Variants in NUBPL observed in about 807,000 individuals in gnomAD.
NUBPL encodes the protein iron-sulfur cluster transfer protein NUBPL.
Under a neutral mutation model 45.7 loss-of-function variants are expected in NUBPL, and 31 were observed. The ratio of observed to expected loss-of-function variants is 0.68; its 90% CI spans 0.51 to 0.92. The LOEUF (loss-of-function observed/expected upper bound fraction) is 0.92, where lower values mean the gene tolerates loss of function less well. Ranked by LOEUF, NUBPL falls within the 40% of genes least tolerant of loss-of-function variation. The pLI, the probability that NUBPL is intolerant of heterozygous loss-of-function variation, is 0.00. For synonymous variants in NUBPL, 144 were observed against 140.9 expected, an observed-to-expected ratio of 1.02 and a Z score of -0.15; for missense variants, 401 against 398.7, an observed-to-expected ratio of 1.01 and a Z score of -0.05.
intron 8 of NUBPL, among the ~76,000 whole-genome samples, chr14:31,834,365 G>A (rs1452348577): frequency 1.3e-5 from 2 of 151,980 alleles, no homozygotes; most frequent in African/African-American, 4.8e-5. Context: ...ACTTTTAGTA[G>A]AGACGGGGTT....
chr14:31,758,042 A>G (rs2138714892), intron 6 of NUBPL, among the ~76,000 whole-genome samples: 1 of 152,296 alleles, frequency 6.6e-6, no homozygotes, highest in Non-Finnish European at 1.5e-5. Context: ...ATCTCAGAAG[A>G]GCAGGCTGTC....
At chr14:31,841,008 T>C (rs1317545125) in intron 8 of NUBPL, among the ~76,000 whole-genome samples, 1 of 152,276 alleles carries the variant, frequency 6.6e-6, no homozygotes, top group African/African-American at 2.4e-5. Context: ...GATTCACTTA[T>C]ACTGCTGATA....
At chr14:31,588,332 C>T (rs1471648399) in intron 3 of NUBPL, among the ~76,000 whole-genome samples, 1 of 152,284 alleles carries the variant, frequency 6.6e-6, no homozygotes, top group East Asian at 1.9e-4. Flanking sequence ...TGTGTGCATG[C>T]ACTACTGTTA....
intron 6 of NUBPL, among the ~76,000 whole-genome samples, chr14:31,696,165 A>G (rs1438622642): frequency 6.6e-6 from 1 of 152,180 alleles, no homozygotes; most frequent in Non-Finnish European, 1.5e-5. Flanking sequence ...TTCTAACCCA[A>G]CACCCAGGGA....
chr14:31,666,254 T>TGTAG lies in NUBPL; in HGVS notation c.383-7101_383-7100insGTAG, dbSNP rs1566487115. Among the ~76,000 whole-genome samples the TGTAG allele has an allele frequency of 2.2e-3, 117 of 52,506 alleles. 6 individuals carry two copies. Among genetic ancestry groups the TGTAG allele is most frequent in the East Asian group, 8.8e-3 (8 of 906 alleles). The allele number at this position is 52,506 out of a possible 152,430, so 34.4% of individuals were successfully genotyped here. On this transcript the variant is annotated intron_variant, in intron 4 of 10. Transcript: ENST00000281081. ...ATATATATATATATATATATATATA[T>TGTAG]ATATATATAATTTTATTTTATTTTT...
intron 1 of NUBPL, chr14:31,561,823 C>G: frequency 1.7e-6 from 1 of 596,876 alleles, no homozygotes; most frequent in Non-Finnish European, 2.9e-6. Flanking sequence ...GCCTTATCTC[C>G]GTAAAGAGGC....
chr14:31,771,044 A>G (rs2039000246), intron 6 of NUBPL, among the ~76,000 whole-genome samples: 1 of 152,294 alleles, frequency 6.6e-6, no homozygotes, highest in African/African-American at 2.4e-5. Flanking sequence ...CTTAGTCTTT[A>G]TAGGTTATTT....
At chr14:31,847,692 G>A (rs985481655) in intron 9 of NUBPL, among the ~76,000 whole-genome samples, 3 of 152,168 alleles carry the variant, frequency 2.0e-5, no homozygotes, top group Non-Finnish European at 4.4e-5. Context: ...TAAAAATTAA[G>A]ATCCCTAGAG....
intron 4 of NUBPL, among the ~76,000 whole-genome samples, chr14:31,633,023 C>T (rs765313157): frequency 6.6e-6 from 1 of 152,178 alleles, no homozygotes; most frequent in South Asian, 2.1e-4. Flanking sequence ...AGAGGAAGCT[C>T]AGTGTGAGGC....
intron 4 of NUBPL, among the ~76,000 whole-genome samples, chr14:31,653,655 G>A (rs2120136): frequency 1 from 151,659 of 152,324 alleles, 75,501 homozygotes; most frequent in Middle Eastern, 1. Context: ...ATGTTTTACA[G>A]TCAATTTGTA....
At chr14:31,776,834 G>A (rs1444498653) in intron 6 of NUBPL, among the ~76,000 whole-genome samples, 6 of 152,158 alleles carry the variant, frequency 3.9e-5, no homozygotes, top group Admixed American at 1.3e-4. Context: ...AGTAGACCTT[G>A]GTTAGAGAAA....
At chr14:31,664,705 T>G (rs2036362113) in intron 4 of NUBPL, among the ~76,000 whole-genome samples, 1 of 152,136 alleles carries the variant, frequency 6.6e-6, no homozygotes, top group Non-Finnish European at 1.5e-5. Flanking sequence ...CCTCTTTTTT[T>G]GTTGTGTCTT....
intron 6 of NUBPL, among the ~76,000 whole-genome samples, chr14:31,719,165 A>G (rs1487954875): frequency 6.6e-6 from 1 of 152,174 alleles, no homozygotes; most frequent in Non-Finnish European, 1.5e-5. Context: ...TCATGACTGA[A>G]TAGCTGGGAA....
intron 3 of NUBPL, among the ~76,000 whole-genome samples, chr14:31,589,259 CTTTATT>C (rs1442360539): frequency 1.3e-5 from 2 of 151,754 alleles, no homozygotes; most frequent in African/African-American, 2.4e-5. Flanking sequence ...AGTTTTTGAA[CTTTATT>C]TTTAATTTGA....
At chr14:31,853,744 C>T (rs1349327277) in intron 10 of NUBPL, among the ~76,000 whole-genome samples, 1 of 152,136 alleles carries the variant, frequency 6.6e-6, no homozygotes, top group Non-Finnish European at 1.5e-5. Flanking sequence ...TGCACATGTA[C>T]ACCACTTAGG....
chr14:31,704,339 A>G (rs1442708002), intron 6 of NUBPL, among the ~76,000 whole-genome samples: 2 of 152,082 alleles, frequency 1.3e-5, no homozygotes, highest in Non-Finnish European at 2.9e-5. Context: ...GGATTTTTAT[A>G]CTTATATTCT....
At chr14:31,678,311 G>A (rs1338251036) in intron 6 of NUBPL, among the ~76,000 whole-genome samples, 7 of 152,210 alleles carry the variant, frequency 4.6e-5, no homozygotes, top group African/African-American at 1.7e-4. Context: ...CACCTAAGGT[G>A]CCAGGCAAAG....
At chr14:31,792,537 G>C (rs1031298809) in intron 7 of NUBPL, among the ~76,000 whole-genome samples, 17 of 152,072 alleles carry the variant, frequency 1.1e-4, no homozygotes, top group Non-Finnish European at 1.6e-4. Context: ...TGTCTGTATA[G>C]AGTTGTAGCA....
intron 6 of NUBPL, among the ~76,000 whole-genome samples, chr14:31,696,018 A>C (rs1268954456): frequency 6.6e-5 from 10 of 152,364 alleles, no homozygotes; most frequent in African/African-American, 2.4e-4. Flanking sequence ...CAATATAAAT[A>C]AAGTAACCAA....
Sources: allele counts gnomAD v4.1 joint callset (sites outside exome capture counted in the v4.1 genomes callset), GRCh38; gene constraint gnomAD v4.1.1; transcripts MANE v1.5; gene names NCBI Gene and HGNC (gene_info 2026-07-23, HGNC 2026-07-21).